Variants in KCNQ2 observed in about 807,000 individuals in gnomAD.
The protein encoded by KCNQ2 is potassium voltage-gated channel subfamily KQT member 2.
KCNQ2 carries 14 observed loss-of-function variants against 84.8 expected under a neutral mutation model. That is an observed-to-expected ratio of 0.17 (90% CI 0.11 to 0.26). The LOEUF is 0.26. KCNQ2 is among the 10% of genes least tolerant of loss of function. The pLI, the probability that KCNQ2 is intolerant of heterozygous loss-of-function variation, is 1.00. For missense variants in KCNQ2, 788 were observed against 1,254.0 expected (o/e 0.63, Z 5.61); for synonymous variants, 599 against 554.1 (o/e 1.08, Z -1.14).
At chr20:63,468,240 G>C (rs749279961) in intron 1 of KCNQ2, among the ~76,000 whole-genome samples, 5 of 152,168 alleles carry the variant, frequency 3.3e-5, no homozygotes, top group Non-Finnish European at 7.4e-5. Context: ...TCCTACACAG[G>C]AGGCTGTGGG....
chr20:63,464,212 G>A (rs1172708602), intron 1 of KCNQ2, among the ~76,000 whole-genome samples: 1 of 152,080 alleles, frequency 6.6e-6, no homozygotes, highest in Non-Finnish European at 1.5e-5. Flanking sequence ...TCCCCTGTCT[G>A]GGGCCAGCAC....
chr20:63,467,509 A>G (rs964460123), intron 1 of KCNQ2, among the ~76,000 whole-genome samples: 1 of 151,736 alleles, frequency 6.6e-6, no homozygotes, highest in African/African-American at 2.4e-5. Context: ...AGGCTAGCCC[A>G]GCTCCTGTGA....
Position 63,472,625 on chromosome 20 carries a change from GC to G in KCNQ2, c.-163del. 2 of 368,202 alleles carry G rather than the reference GC, an allele frequency of 5.4e-6. No individual in the cohort carries two copies. The highest frequency in any genetic ancestry group is 1.1e-4 in the South Asian group (1 of 8,964). 22.8% of individuals were successfully genotyped at this position (368,202 alleles called of 1,614,324 possible). ...TTGGGCCGCGCGCGGAGACGCTGCG[GC>G]CACCTCGCTCCGCGCGCACCTCGGC... On this transcript the variant is annotated 5_prime_UTR_variant, in exon 1 of 17. Transcript: ENST00000359125.
At chr20:63,412,194 G>A (rs576388679) in intron 15 of KCNQ2, 8 of 307,864 alleles carry the variant, frequency 2.6e-5, no homozygotes, top group South Asian at 9.4e-5. Context: ...GACAGGCCGC[G>A]GCGGGGCAAC....
intron 7 of KCNQ2, among the ~76,000 whole-genome samples, chr20:63,435,583 C>T (rs573969614): frequency 2.6e-5 from 4 of 152,262 alleles, no homozygotes; most frequent in Admixed American, 2.0e-4. Flanking sequence ...CCAAACCAAC[C>T]GAGGCCAGAG....
Position 63,414,025 on chromosome 20 carries a change from A to G in KCNQ2, c.1631+63T>C. The G allele has an allele frequency of 8.2e-7, 1 of 1,224,820 alleles. No individual in the cohort carries two copies. The highest frequency in any genetic ancestry group is 1.2e-5 in the South Asian group (1 of 83,102). The allele number at this position is 1,224,820 out of a possible 1,614,324, so 75.9% of individuals were successfully genotyped here. On this transcript the variant is annotated intron_variant, in intron 14 of 16. Coordinates refer to ENST00000359125, the MANE Select transcript of KCNQ2 (RefSeq NM_172107.4). This position sits in a 1 kb window ranked among gnomAD's most constrained non-coding sequence, Gnocchi z 6.6. ...AGCACCATGAGCACCGGCAGCAGGCAGGACCACCGAGCGGGAGGCCCCTCC... is the reference window on the plus strand; with the variant it reads ...AGCACCATGAGCACCGGCAGCAGGCGGGACCACCGAGCGGGAGGCCCCTCC...
Position 63,460,381 on chromosome 20 carries a change from G to T in KCNQ2, c.296+11787C>A, listed in dbSNP as rs145619496. Among the ~76,000 whole-genome samples, 1 of 151,942 alleles carries T rather than the reference G, an allele frequency of 6.6e-6. No individual in the cohort carries two copies. The highest frequency in any genetic ancestry group is 2.4e-5 in the African/African-American group (1 of 41,360). ...CTCAAGCTGCCTGTCAGCCCCACCC[G>T]AAACCCATTCAGGTGCTGAGGGCAC... On this transcript the variant is annotated intron_variant, in intron 1 of 16. Transcript: ENST00000359125. This position sits in a 1 kb window ranked among gnomAD's most constrained non-coding sequence, Gnocchi z 5.4.
At chr20:63,410,012 G>T (rs932987576) in intron 15 of KCNQ2, 1 of 283,532 alleles carries the variant, frequency 3.5e-6, no homozygotes, top group African/African-American at 2.3e-5. Flanking sequence ...TCTTCTTTCT[G>T]TTGCGAGAAA....
In KCNQ2 at chr20:63,408,485, G is replaced by A; in HGVS notation, c.1815C>T (p.Thr605=). The part of the protein sequence containing the change: ...RGPAITDKDR[T]KGPAEAELPE... ...GCAGCTCCGCCTCGGCCGGGCCCTT[G>A]GTGCGGTCCTTGTCCGTGATCGCTG... is the stretch of plus-strand genomic sequence containing the variant. Residue 605 remains threonine (T), a synonymous_variant, in exon 16 of 17, where the codon ACC becomes ACT. Coordinates refer to ENST00000359125, the MANE Select transcript of KCNQ2 (RefSeq NM_172107.4). The surrounding 1 kb of genome is among the most constrained non-coding windows in gnomAD (Gnocchi z 5.0). 6.2e-7 allele frequency: 1 copy of A among 1,608,336 alleles called. No individual in the cohort carries two copies.
intron 6 of KCNQ2, 32 bp downstream of exon 6, chr20:63,439,566 C>T (rs1263536044): frequency 1.3e-6 from 2 of 1,531,596 alleles, no homozygotes; most frequent in Non-Finnish European, 1.8e-6. Context: ...ACCTCGTCCC[C>T]CTCCAAGGCA....
At chr20:63,427,384 G>A (rs978626904) in intron 10 of KCNQ2, among the ~76,000 whole-genome samples, 14 of 152,228 alleles carry the variant, frequency 9.2e-5, no homozygotes, top group East Asian at 1.9e-4. Context: ...TCACACCCGC[G>A]CTTGTAGGCG....
At chr20:63,409,594 G>A (rs982250801) in intron 15 of KCNQ2, among the ~76,000 whole-genome samples, 2 of 152,224 alleles carry the variant, frequency 1.3e-5, no homozygotes, top group South Asian at 2.1e-4. Flanking sequence ...AGCTCAAGAC[G>A]GGGTGTGGCT....
At chr20:63,409,743 T>C (rs957347059) in intron 15 of KCNQ2, among the ~76,000 whole-genome samples, 18 of 148,718 alleles carry the variant, frequency 1.2e-4, no homozygotes, top group Admixed American at 7.3e-4. Flanking sequence ...CTGCCTCTGA[T>C]GGTGGGGGAG....
At chr20:63,410,215 G>T (rs987141166) in intron 15 of KCNQ2, among the ~76,000 whole-genome samples, 1 of 152,174 alleles carries the variant, frequency 6.6e-6, no homozygotes, top group Non-Finnish European at 1.5e-5. Context: ...CACAGTCCAG[G>T]CAGATGCTCA....
rs1048581959 is a variant in KCNQ2, at chr20:63,438,104, G to C, written c.1023+521C>G. The C allele has an allele frequency of 4.6e-5, 8 of 172,858 alleles. No homozygotes were observed. The highest frequency in any genetic ancestry group is 1.0e-4 in the Non-Finnish European group (8 of 79,688). The allele number at this position is 172,858 out of a possible 1,614,324, so 10.7% of individuals were successfully genotyped here. ...ATTGCAGGCGTGAGCCACTGTGCCC[G>C]GCCATTGTCTGTCCGTATTTTCAAG... On this transcript the variant is annotated intron_variant, in intron 7 of 16. Coordinates refer to ENST00000359125, the MANE Select transcript of KCNQ2 (RefSeq NM_172107.4). This position sits in a 1 kb window ranked among gnomAD's most constrained non-coding sequence, Gnocchi z 5.1.
chr20:63,472,215 G>T lies in KCNQ2; in HGVS notation c.249C>A (p.Asn83Lys). The change falls in exon 1 of 17, where the codon AAC (asparagine) becomes AAA (lysine). Residue 83 changes from asparagine (N) to lysine (K), a missense_variant. Asn to Lys is a moderately conservative substitution (Grantham distance 94). Coordinates refer to ENST00000359125, the MANE Select transcript of KCNQ2 (RefSeq NM_172107.4). The stretch of plus-strand genomic sequence containing the variant: ...CCCAGCCGCGCGGCCGCTCCAGCAC[G>T]TTGTAGAGGAAATTCTGCAGCTTGC... Reference protein sequence around the residue: ...FYRKLQNFLYNVLERPRGWAF... With the variant: ...FYRKLQNFLYKVLERPRGWAF... The T allele has an allele frequency of 1.9e-6, 3 of 1,548,542 alleles. No individual in the cohort carries two copies. Among genetic ancestry groups the T allele is most frequent in the Non-Finnish European group, 2.6e-6 (3 of 1,148,428 alleles).
intron 1 of KCNQ2, 125 bp downstream of exon 1, chr20:63,472,043 G>A: frequency 1.6e-6 from 1 of 642,828 alleles, no homozygotes. Context: ...GGGAGCGCCG[G>A]CCCCGGACCC....
Position 63,414,169 on chromosome 20 carries a change from A to G in KCNQ2, c.1550T>C (p.Ile517Thr), listed in dbSNP as rs778117894. 3.1e-6 allele frequency: 5 copies of G among 1,613,478 alleles called. No individual in the cohort carries two copies. The highest frequency in any genetic ancestry group is 3.3e-5 in the Admixed American group (2 of 60,014). Residue 517 changes from isoleucine (I) to threonine (T), a missense_variant, in exon 14 of 17, where the codon ATT (isoleucine) becomes ACT (threonine). Physicochemically the swap from Ile to Thr is moderately conservative, Grantham distance 89. Coordinates refer to ENST00000359125, the MANE Select transcript of KCNQ2 (RefSeq NM_172107.4). This position sits in a 1 kb window ranked among gnomAD's most constrained non-coding sequence, Gnocchi z 6.6. ...GCAGGGGCAGCTCTTGTCATCCACAATGTCCTCTCCGGGGAGGCTTGCTTC... is the reference window on the plus strand; with the variant it reads ...GCAGGGGCAGCTCTTGTCATCCACAGTGTCCTCTCCGGGGAGGCTTGCTTC... The part of the protein sequence containing the change: ...SEEASLPGED[I>T]VDDKSCPCEF...
At chr20:63,441,785 C>T (rs1176448464) in intron 5 of KCNQ2, among the ~76,000 whole-genome samples, 3 of 152,250 alleles carry the variant, frequency 2.0e-5, no homozygotes, top group Non-Finnish European at 4.4e-5. Context: ...AAAATAACTT[C>T]GGATCAGCTG....
Sources: allele counts gnomAD v4.1 joint callset (sites outside exome capture counted in the v4.1 genomes callset), GRCh38; gene constraint gnomAD v4.1.1; non-coding constraint Gnocchi (gnomAD v3.1); transcripts MANE v1.5; gene names NCBI Gene and HGNC (gene_info 2026-07-23, HGNC 2026-07-21).